CRMP1: variants seen among roughly 807,000 people sequenced by gnomAD.
The protein encoded by CRMP1 is dihydropyrimidinase-related protein 1.
Under a neutral mutation model 68.3 loss-of-function variants are expected in CRMP1, and 19 were observed. The ratio of observed to expected loss-of-function variants is 0.28; its 90% CI spans 0.19 to 0.41. The LOEUF (loss-of-function observed/expected upper bound fraction) is 0.41, where lower values mean the gene tolerates loss of function less well. Among genes scored for constraint, CRMP1 ranks in the 10% least tolerant of loss-of-function variants. The pLI, the probability that CRMP1 is intolerant of heterozygous loss-of-function variation, is 1.00. For synonymous variants in CRMP1, 439 were observed against 399.6 expected (o/e 1.10, Z -1.18); for missense variants, 791 against 967.4 (o/e 0.82, Z 2.42).
At position 5,866,748 on chromosome 4, in the gene CRMP1, T is replaced by C. The variant is rs936295450; in HGVS notation, c.390A>G (p.Arg130=). 3.4e-5 allele frequency: 55 copies of C among 1,610,018 alleles called. No homozygotes were observed. Among genetic ancestry groups the C allele is most frequent in the Non-Finnish European group, 4.5e-5 (53 of 1,178,280 alleles). ...TGATCCGTCCACCTTTGATGAGGAG[T>C]CGGTCACTCTGCAAAGCAAGGCAAA... is the stretch of plus-strand genomic sequence containing the variant. ...PLGRDNGQSD[R]LLIKGGRIIN... Residue 130 remains arginine, a synonymous_variant, in exon 2 of 14, where the codon CGA becomes CGG. Coordinates refer to ENST00000324989, the MANE Select transcript of CRMP1 (RefSeq NM_001014809.3). The surrounding 1 kb of genome is among the most constrained non-coding windows in gnomAD (Gnocchi z 5.9).
chr4:5,820,885 GAAAACTTTGTAC>G lies in CRMP1; in HGVS notation c.*863_*874del, dbSNP rs1718418915. 6.6e-6 allele frequency: 1 copy of G among 151,960 alleles called. No individual in the cohort carries two copies. The highest frequency in any genetic ancestry group is 1.5e-5 in the Non-Finnish European group (1 of 67,972). 9.4% of individuals were successfully genotyped at this position (151,960 alleles called of 1,614,324 possible). On this transcript the variant is annotated 3_prime_UTR_variant, in exon 14 of 14. Transcript: ENST00000324989. ...AGTAAAAATGGGAGTGATTACAAAGGAAAACTTTGTACAAAACTTTAAAAATCTGACTGCCCC... is the reference window on the plus strand; with the variant it reads ...AGTAAAAATGGGAGTGATTACAAAGGAAAACTTTAAAAATCTGACTGCCCC...
chr4:5,821,589 A>G lies in CRMP1; in HGVS notation c.*171T>C, dbSNP rs1193484266. 8 of 638,680 alleles carry G rather than the reference A, an allele frequency of 1.3e-5. No individual in the cohort carries two copies. Among genetic ancestry groups the G allele is most frequent in the Admixed American group, 8.7e-5 (3 of 34,336 alleles). The allele number at this position is 638,680 out of a possible 1,614,324, so 39.6% of individuals were successfully genotyped here. A position where few individuals can be genotyped will look rare whatever the true frequency, so the allele number is the denominator to read the frequency against. ...TGGGGCAAGGAATTTCCAAGCAAACACACCACACTAGTACCACTTCTTCCT... is the reference window on the plus strand; with the variant it reads ...TGGGGCAAGGAATTTCCAAGCAAACGCACCACACTAGTACCACTTCTTCCT... On this transcript the variant is annotated 3_prime_UTR_variant, in exon 14 of 14. Transcript: ENST00000324989. This position sits in a 1 kb window ranked among gnomAD's most constrained non-coding sequence, Gnocchi z 4.4.
At position 5,860,861 on chromosome 4, in the gene CRMP1, G is replaced by A. The variant is rs887721030; in HGVS notation, c.655+165C>T. Among the ~76,000 whole-genome samples the A allele has an allele frequency of 2.0e-5, 3 of 152,118 alleles. No individual in the cohort carries two copies. The highest frequency in any genetic ancestry group is 4.8e-5 in the African/African-American group (2 of 41,412). Reference sequence around the variant, plus strand: ...CTTCTGTGGCCCCAGTGGCACACACGGTATGCTCTGTAAAACAGTGACCTG... The same window carrying A: ...CTTCTGTGGCCCCAGTGGCACACACAGTATGCTCTGTAAAACAGTGACCTG... On this transcript the variant is annotated intron_variant, in intron 3 of 13. Coordinates refer to ENST00000324989, the MANE Select transcript of CRMP1 (RefSeq NM_001014809.3). The surrounding 1 kb of genome is among the most constrained non-coding windows in gnomAD (Gnocchi z 4.2).
chr4:5,887,559 C>A (rs1715679775), intron 1 of CRMP1: 1 of 985,052 alleles, frequency 1.0e-6, no homozygotes, highest in Non-Finnish European at 1.2e-6. Flanking sequence ...GGGACGCAGC[C>A]CGGCTGTTCT....
intron 1 of CRMP1, among the ~76,000 whole-genome samples, chr4:5,875,854 A>T (rs1365700333): frequency 1.3e-5 from 2 of 152,046 alleles, no homozygotes; most frequent in African/African-American, 2.4e-5. Context: ...TCAGCTTCTT[A>T]AAAAAAGTCT....
At chr4:5,863,099 C>CT (rs1480698870) in intron 2 of CRMP1, among the ~76,000 whole-genome samples, 1 of 142,274 alleles carries the variant, frequency 7.0e-6, no homozygotes, top group Non-Finnish European at 1.5e-5. Flanking sequence ...CATGCCTGAC[C>CT]TTTTTTCTTT....
At chr4:5,868,279 A>ATATAGATATATATATATC (rs1560513311) in intron 1 of CRMP1, among the ~76,000 whole-genome samples, 1 of 86,874 alleles carries the variant, frequency 1.2e-5, no homozygotes, top group African/African-American at 5.6e-5. Flanking sequence ...ATATATATAT[A>ATATAGATATATATATATC]TATATATATA....
At chr4:5,856,336 C>T in intron 3 of CRMP1, 29 bp from the exon 4 acceptor site, 1 of 1,608,182 alleles carries the variant, frequency 6.2e-7, no homozygotes, top group South Asian at 1.1e-5. Context: ...CATCATGATG[C>T]TTCAGACTCA....
At chr4:5,852,745 T>G (rs1263873074) in intron 4 of CRMP1, among the ~76,000 whole-genome samples, 1 of 151,636 alleles carries the variant, frequency 6.6e-6, no homozygotes, top group Non-Finnish European at 1.5e-5. Context: ...GGTGTGGGAG[T>G]ATCAGCAAGT....
rs1218803591 is a variant in CRMP1 at position 5,838,141 on chromosome 4, A to G, written c.1311-1235T>C. Among the ~76,000 whole-genome samples, 3 of 152,140 alleles carry G rather than the reference A, an allele frequency of 2.0e-5. No individual in the cohort carries two copies. Among genetic ancestry groups the G allele is most frequent in the Non-Finnish European group, 1.5e-5 (1 of 68,028 alleles). On this transcript the variant is annotated intron_variant, in intron 9 of 13. Transcript: ENST00000324989. This position sits in a 1 kb window ranked among gnomAD's most constrained non-coding sequence, Gnocchi z 4.9. ...AGCAAAGATCTGAAGGAAGTCACAG[A>G]GCAAACCATGTGGCGTCTAAGAAAG...
chr4:5,889,968 C>T lies in CRMP1; in HGVS notation c.381+2621G>A. 1 of 1,269,974 alleles carries T rather than the reference C, an allele frequency of 7.9e-7. No individual in the cohort carries two copies. Among genetic ancestry groups the T allele is most frequent in the Non-Finnish European group, 1.0e-6 (1 of 994,558 alleles). 78.7% of individuals were successfully genotyped at this position (1,269,974 alleles called of 1,614,324 possible). On this transcript the variant is annotated intron_variant, in intron 1 of 13. Transcript: ENST00000324989. The surrounding 1 kb of genome is among the most constrained non-coding windows in gnomAD (Gnocchi z 4.5). Reference sequence around the variant, plus strand: ...GGCTTACAGAGGTAAAATGATGTACCCCGGGTGCAAAACATATTAGCTGCA... The same window carrying T: ...GGCTTACAGAGGTAAAATGATGTACTCCGGGTGCAAAACATATTAGCTGCA...
At chr4:5,863,683 A>G (rs1345484398) in intron 2 of CRMP1, among the ~76,000 whole-genome samples, 2 of 152,194 alleles carry the variant, frequency 1.3e-5, no homozygotes, top group East Asian at 3.8e-4. Context: ...ACCAAGGCTG[A>G]GTGAGTTAAA....
intron 1 of CRMP1, among the ~76,000 whole-genome samples, chr4:5,875,299 G>C (rs990907148): frequency 1.3e-5 from 2 of 151,552 alleles, no homozygotes; most frequent in Non-Finnish European, 2.9e-5. Context: ...ACCTCCCCGG[G>C]TTCTGTTCTC....
intron 11 of CRMP1, among the ~76,000 whole-genome samples, chr4:5,830,815 T>G (rs144919855): frequency 6.6e-6 from 1 of 152,222 alleles, no homozygotes; most frequent in Admixed American, 6.5e-5. Flanking sequence ...GGAACTCTGC[T>G]TTCCTAGCTA....
At chr4:5,871,166 G>A (rs1714410845) in intron 1 of CRMP1, among the ~76,000 whole-genome samples, 1 of 152,188 alleles carries the variant, frequency 6.6e-6, no homozygotes, top group Non-Finnish European at 1.5e-5. Context: ...GTGTCTCTCA[G>A]GTGCTGGTCT....
chr4:5,837,042 T>A, intron 9 of CRMP1, 136 bp from the exon 10 acceptor site: 1 of 980,890 alleles, frequency 1.0e-6, no homozygotes, highest in Non-Finnish European at 1.5e-6. Context: ...AGAGACTCTC[T>A]AGCGTGTGCC....
chr4:5,834,151 C>G lies in CRMP1; in HGVS notation c.1623+1764G>C, dbSNP rs1720569819. ...CTGACACAGACATTCACGTTCCTTT[C>G]TAGATAAGGATCACCTTGTGAAGCA... On this transcript the variant is annotated intron_variant, in intron 11 of 13. Coordinates refer to ENST00000324989, the MANE Select transcript of CRMP1 (RefSeq NM_001014809.3). This position sits in a 1 kb window ranked among gnomAD's most constrained non-coding sequence, Gnocchi z 4.3. Among the ~76,000 whole-genome samples the G allele has an allele frequency of 6.6e-6, 1 of 152,210 alleles. No homozygotes were observed. The highest frequency in any genetic ancestry group is 1.5e-5 in the Non-Finnish European group (1 of 68,036).
rs1026876051 is a variant in CRMP1 at position 5,889,833 on chromosome 4, G to T, written c.381+2756C>A. 8 of 1,480,840 alleles carry T rather than the reference G, an allele frequency of 5.4e-6. No homozygotes were observed. Among genetic ancestry groups the T allele is most frequent in the Non-Finnish European group, 7.2e-6 (8 of 1,117,652 alleles). The allele number at this position is 1,480,840 out of a possible 1,614,324, so 91.7% of individuals were successfully genotyped here. A position where few individuals can be genotyped will look rare whatever the true frequency, so the allele number is the denominator to read the frequency against. ...TCCCCTAATCCAGGGCAGGAGGCCA[G>T]AGACACCTGGGCCTTAAAATAGAGG... On this transcript the variant is annotated intron_variant, in intron 1 of 13. Transcript: ENST00000324989. This position sits in a 1 kb window ranked among gnomAD's most constrained non-coding sequence, Gnocchi z 4.5.
At position 5,879,294 on chromosome 4, in the gene CRMP1, A is replaced by G. The variant is rs566203036; in HGVS notation, c.382-12538T>C. ...ATCTCTGGCCACATCTGCTCTGCTC[A>G]TTGCTTTCCAACTCCTTAGTCACGT... On this transcript the variant is annotated intron_variant, in intron 1 of 13. Transcript: ENST00000324989. The surrounding 1 kb of genome is among the most constrained non-coding windows in gnomAD (Gnocchi z 4.2). Among the ~76,000 whole-genome samples the G allele has an allele frequency of 5.9e-5, 9 of 152,282 alleles. No individual in the cohort carries two copies. The highest frequency in any genetic ancestry group is 2.2e-4 in the African/African-American group (9 of 41,554).
Sources: gnomAD v4.1 joint callset for allele counts (sites outside exome capture counted in the v4.1 genomes callset) on GRCh38, gnomAD v4.1.1 for gene constraint, Gnocchi (gnomAD v3.1) non-coding constraint, MANE v1.5 for transcripts, NCBI Gene and HGNC (gene_info 2026-07-23, HGNC 2026-07-21) for gene names.